Variants in FAM76B observed in about 807,000 individuals in gnomAD.
FAM76B encodes the protein family with sequence similarity 76 member B.
A neutral mutation model predicts 51.8 loss-of-function variants in FAM76B; 16 were observed. The ratio of observed to expected loss-of-function variants is 0.31; its 90% confidence interval spans 0.21 to 0.47. The LOEUF is 0.47. Among genes scored for constraint, FAM76B ranks in the 20% least tolerant of loss-of-function variants. The pLI, the probability that FAM76B is intolerant of heterozygous loss-of-function variation, is 1.00. For synonymous variants in FAM76B, 166 were observed against 129.5 expected (o/e 1.28, Z -1.91); for missense variants, 342 against 392.6 (o/e 0.87, Z 1.09).
Position 95,789,388 on chromosome 11 carries a change from G to T in FAM76B, c.87+4C>A. On this transcript the variant is annotated splice_donor_region_variant and intron_variant, in intron 1 of 9. Coordinates refer to ENST00000358780, the MANE Select transcript of FAM76B (RefSeq NM_144664.5). ...ATCCCGCCCGCCTCCCGGAGCCCAC[G>T]GACCTTGCAGAGCTGCTGGCCCTGG... 6.3e-7 allele frequency: 1 copy of T among 1,594,026 alleles called. No individual in the cohort carries two copies. Among genetic ancestry groups the T allele is most frequent in the East Asian group, 2.3e-5 (1 of 43,520 alleles).
chr11:95,784,096 A>G (rs1860422240), intron 4 of FAM76B, among the ~76,000 whole-genome samples: 1 of 152,240 alleles, frequency 6.6e-6, no homozygotes, highest in Non-Finnish European at 1.5e-5. Flanking sequence ...ACCATGGAAT[A>G]CTATGCAGCT....
chr11:95,788,844 CTTA>C (rs1176244879), intron 1 of FAM76B: 30 of 1,416,560 alleles, frequency 2.1e-5, no homozygotes, highest in Non-Finnish European at 2.7e-5. Flanking sequence ...TGTGAAACTA[CTTA>C]TTATTTTGCA....
At position 95,778,805 on chromosome 11, in the gene FAM76B, A is replaced by G. The variant is rs975747806; in HGVS notation, c.828+17T>C. 2.5e-6 allele frequency: 4 copies of G among 1,581,388 alleles called. No homozygotes were observed. The highest frequency in any genetic ancestry group is 1.9e-5 in the Admixed American group (1 of 52,174). ...AACACATAACTCTTACCAGGCTTCA[A>G]TGAACCATGTTCTTACCTTTTTATC... is the stretch of plus-strand genomic sequence containing the variant. On this transcript the variant is annotated intron_variant, in intron 8 of 9. Coordinates refer to ENST00000358780, the MANE Select transcript of FAM76B (RefSeq NM_144664.5).
At chr11:95,773,850 A>T (rs940588852) in intron 9 of FAM76B, among the ~76,000 whole-genome samples, 2 of 151,050 alleles carry the variant, frequency 1.3e-5, no homozygotes, top group Non-Finnish European at 3.0e-5. Flanking sequence ...ATTTTGAACA[A>T]TTTTTTCATG....
intron 4 of FAM76B, among the ~76,000 whole-genome samples, chr11:95,783,811 GGT>G (rs1200505534): frequency 6.6e-6 from 1 of 152,176 alleles, no homozygotes; most frequent in Non-Finnish European, 1.5e-5. Flanking sequence ...ACACAAGAGT[GGT>G]GAAAAATCTG....
chr11:95,786,348 G>C, intron 3 of FAM76B, 74 bp from the exon 4 acceptor site: 5 of 1,469,750 alleles, frequency 3.4e-6, no homozygotes, highest in Non-Finnish European at 4.5e-6. Flanking sequence ...CAGTGTTGTA[G>C]ACATATTTCT....
intron 1 of FAM76B, chr11:95,789,136 A>AC (rs1022207136): frequency 2.2e-5 from 29 of 1,290,114 alleles, no homozygotes; most frequent in Admixed American, 5.7e-5. Flanking sequence ...CACTCCTGAG[A>AC]CCCCCAGACG....
At chr11:95,782,857 T>C (rs1047494595) in intron 5 of FAM76B, among the ~76,000 whole-genome samples, 2 of 152,222 alleles carry the variant, frequency 1.3e-5, no homozygotes, top group African/African-American at 2.4e-5. Flanking sequence ...CCTAAATATC[T>C]GTATTATGGT....
In FAM76B at chr11:95,771,371, C is replaced by A; in HGVS notation, c.*190G>T. The A allele has an allele frequency of 2.2e-6, 1 of 461,454 alleles. No individual in the cohort carries two copies. The highest frequency in any genetic ancestry group is 3.9e-6 in the Non-Finnish European group (1 of 254,042). The allele number at this position is 461,454 out of a possible 1,614,324, so 28.6% of individuals were successfully genotyped here. ...AAATAATTAAAAAGTTACTTCAAAC[C>A]AGTTGAAGTTTTATTTGAATGTTTT... On this transcript the variant is annotated 3_prime_UTR_variant, in exon 10 of 10. Coordinates refer to ENST00000358780, the MANE Select transcript of FAM76B (RefSeq NM_144664.5).
In FAM76B at chr11:95,788,495, A is replaced by G. The variant is rs751272254; in HGVS notation, c.152+4T>C. 1.2e-6 allele frequency: 2 copies of G among 1,609,146 alleles called. No homozygotes were observed. Among genetic ancestry groups the G allele is most frequent in the Non-Finnish European group, 8.5e-7 (1 of 1,176,192 alleles). On this transcript the variant is annotated splice_donor_region_variant and intron_variant, in intron 2 of 9. Coordinates refer to ENST00000358780, the MANE Select transcript of FAM76B (RefSeq NM_144664.5). ...AACAGTCAAAAACTATTCAGTATAC[A>G]AACCTCTCTTGTTGAAATTCTGATC... is the stretch of plus-strand genomic sequence containing the variant.
At position 95,771,336 on chromosome 11, in the gene FAM76B, C is replaced by T; in HGVS notation, c.*225G>A. ...TAATACTATTGCTGGCAAAAAAGTTCCTGGATATCAAATAATTAAAAAGTT... is the reference window on the plus strand; with the variant it reads ...TAATACTATTGCTGGCAAAAAAGTTTCTGGATATCAAATAATTAAAAAGTT... On this transcript the variant is annotated 3_prime_UTR_variant, in exon 10 of 10. Transcript: ENST00000358780. The T allele has an allele frequency of 2.5e-6, 1 of 393,250 alleles. No individual in the cohort carries two copies. Among genetic ancestry groups the T allele is most frequent in the Non-Finnish European group, 4.7e-6 (1 of 210,852 alleles). The allele number at this position is 393,250 out of a possible 1,614,324, so 24.4% of individuals were successfully genotyped here.
intron 5 of FAM76B, among the ~76,000 whole-genome samples, chr11:95,781,870 TCATAATCTAATAGGTGATTG>T (rs1338944917): frequency 6.6e-6 from 1 of 152,096 alleles, no homozygotes; most frequent in African/African-American, 2.4e-5. Context: ...CAACGTAACC[TCATAATCTAATAGGTGATTG>T]GATACAGTTT....
Position 95,783,282 on chromosome 11 carries a change from T to G in FAM76B, c.364-18A>C, listed in dbSNP as rs1344895059. ...CCATCAACCTTTTAAGAAAATGTGT[T>G]AAATTAAATGTACCCATATAAACTG... is the stretch of plus-strand genomic sequence containing the variant. On this transcript the variant is annotated intron_variant, in intron 4 of 9. Transcript: ENST00000358780. The G allele has an allele frequency of 3.7e-6, 6 of 1,606,782 alleles. No homozygotes were observed. In the African/African-American group the frequency reaches 6.7e-5, roughly 18 times the overall value.
At chr11:95,789,341 C>T in intron 1 of FAM76B, 51 bp downstream of exon 1, 1 of 1,543,010 alleles carries the variant, frequency 6.5e-7, no homozygotes, top group South Asian at 1.2e-5. Context: ...CCGGCCCCCT[C>T]CGGCTACGGC....
intron 8 of FAM76B, among the ~76,000 whole-genome samples, chr11:95,776,891 A>G (rs754366024): frequency 2.2e-4 from 33 of 151,368 alleles, no homozygotes; most frequent in Non-Finnish European, 4.3e-4. Flanking sequence ...GACATACAAC[A>G]GCAAAAATAG....
intron 1 of FAM76B, chr11:95,788,854 T>G: frequency 1.4e-6 from 2 of 1,396,066 alleles, no homozygotes; most frequent in South Asian, 2.4e-5. Context: ...CTTATTATTT[T>G]GCACCGTTGC....
Position 95,770,466 on chromosome 11 carries a change from G to C in FAM76B, c.*1095C>G, listed in dbSNP as rs1859717652. 1.3e-5 allele frequency: 2 copies of C among 151,384 alleles called. No homozygotes were observed. Among genetic ancestry groups the C allele is most frequent in the South Asian group, 4.2e-4 (2 of 4,806 alleles). The allele number at this position is 151,384 out of a possible 1,614,324, so 9.4% of individuals were successfully genotyped here. On this transcript the variant is annotated 3_prime_UTR_variant, in exon 10 of 10. Transcript: ENST00000358780. ...CCACACATAGGGAAAGCAGATACAT[G>C]GATCATTGCAGAAACATTAAAATTT...
intron 5 of FAM76B, among the ~76,000 whole-genome samples, chr11:95,782,152 G>T (rs1315815147): frequency 6.6e-6 from 1 of 151,978 alleles, no homozygotes. Context: ...ATTTTTCCGT[G>T]AAGACTAAAA....
intron 9 of FAM76B, among the ~76,000 whole-genome samples, chr11:95,774,397 A>C (rs552911126): frequency 6.6e-6 from 1 of 151,606 alleles, no homozygotes; most frequent in East Asian, 1.9e-4. Context: ...TAAGATATCT[A>C]TCAGGCTAAG....
Sources: allele counts gnomAD v4.1 joint callset (sites outside exome capture counted in the v4.1 genomes callset), GRCh38; gene constraint gnomAD v4.1.1; transcripts MANE v1.5; gene names NCBI Gene and HGNC (gene_info 2026-07-23, HGNC 2026-07-21).